The following CCDC85A variants were observed in gnomAD, a reference collection of about 807,000 sequenced individuals.
CCDC85A encodes the protein coiled-coil domain-containing protein 85A.
CCDC85A carries 38 observed loss-of-function variants against 50.2 expected under a neutral mutation model. The ratio of observed to expected loss-of-function variants is 0.76; its 90% CI spans 0.58 to 0.99. CCDC85A has a LOEUF of 0.99. Ranked by LOEUF, CCDC85A falls within the 50% of genes least tolerant of loss-of-function variation. The pLI is 0.00. For missense variants in CCDC85A, 820 were observed against 742.0 expected (o/e 1.11, Z -1.22); for synonymous variants, 366 against 301.4 (o/e 1.21, Z -2.22).
chr2:56,280,263 G>A (rs909434020), intron 2 of CCDC85A, among the ~76,000 whole-genome samples: 4 of 152,072 alleles, frequency 2.6e-5, no homozygotes, highest in African/African-American at 4.8e-5. Flanking sequence ...TTACTTCAAG[G>A]TTTTGCAGCT....
At chr2:56,377,298 C>T (rs908196205) in intron 5 of CCDC85A, among the ~76,000 whole-genome samples, 3 of 152,102 alleles carry the variant, frequency 2.0e-5, no homozygotes, top group African/African-American at 7.2e-5. Flanking sequence ...TCTGTGGCAG[C>T]ACTTGGATGA....
intron 3 of CCDC85A, among the ~76,000 whole-genome samples, chr2:56,360,464 C>A (rs1026501893): frequency 2.0e-5 from 3 of 152,178 alleles, no homozygotes; most frequent in African/African-American, 7.2e-5. Flanking sequence ...CATCTCTAAC[C>A]AGCCTCGGGG....
At chr2:56,273,351 G>A (rs908938813) in intron 2 of CCDC85A, among the ~76,000 whole-genome samples, 8 of 152,022 alleles carry the variant, frequency 5.3e-5, no homozygotes, top group African/African-American at 1.4e-4. Flanking sequence ...CAGTATATGG[G>A]AGGGGAAAGC....
At chr2:56,218,576 A>G (rs1230451049) in intron 2 of CCDC85A, among the ~76,000 whole-genome samples, 1 of 151,912 alleles carries the variant, frequency 6.6e-6, no homozygotes, top group African/African-American at 2.4e-5. Context: ...ACTTTATAAT[A>G]TCACCACCAT....
At chr2:56,257,072 A>C (rs1263099111) in intron 2 of CCDC85A, among the ~76,000 whole-genome samples, 1 of 152,190 alleles carries the variant, frequency 6.6e-6, no homozygotes, top group East Asian at 1.9e-4. Flanking sequence ...TCCATGGCTC[A>C]GTGTATGATA....
intron 2 of CCDC85A, among the ~76,000 whole-genome samples, chr2:56,212,609 T>C (rs1422754670): frequency 6.6e-6 from 1 of 152,048 alleles, no homozygotes; most frequent in East Asian, 1.9e-4. Context: ...TATTTGTGTG[T>C]ATTTCAAAAG....
chr2:56,219,449 T>G (rs1668225939), intron 2 of CCDC85A, among the ~76,000 whole-genome samples: 1 of 151,716 alleles, frequency 6.6e-6, no homozygotes, highest in South Asian at 2.1e-4. Flanking sequence ...ATTGCAACCA[T>G]TTTAAGTGTC....
At chr2:56,274,100 C>G (rs10490401) in intron 2 of CCDC85A, among the ~76,000 whole-genome samples, 32,380 of 151,946 alleles carry the variant, frequency 0.21, 3,515 homozygotes, top group East Asian at 0.35. Context: ...TACTAGTGAA[C>G]TCTGTAAAAC....
intron 2 of CCDC85A, among the ~76,000 whole-genome samples, chr2:56,286,965 C>CA (rs1671474073): frequency 6.6e-6 from 1 of 152,156 alleles, no homozygotes; most frequent in Non-Finnish European, 1.5e-5. Context: ...TACCTACAGA[C>CA]ACGACCTTTA....
chr2:56,237,046 T>C (rs1669051211), intron 2 of CCDC85A, among the ~76,000 whole-genome samples: 1 of 152,246 alleles, frequency 6.6e-6, no homozygotes, highest in African/African-American at 2.4e-5. Context: ...CTGTGAAAAA[T>C]GCTGATTTGA....
chr2:56,369,701 G>GT (rs1370388880), intron 3 of CCDC85A, among the ~76,000 whole-genome samples: 1 of 152,094 alleles, frequency 6.6e-6, no homozygotes, highest in Non-Finnish European at 1.5e-5. Context: ...GAACCTTTAT[G>GT]TGTGTCTGAA....
Position 56,192,831 on chromosome 2 carries a change from AGCAGCACCTCCAGCACTG to A in CCDC85A, c.639_656del (p.Ser214_Thr219del), listed in dbSNP as rs1344167095. ...CTACGTGCGGGATGTGGGTGACGGCAGCAGCACCTCCAGCACTGGCAGCACTGACAGCCCGGACCACCA... is the reference window on the plus strand; with the variant it reads ...CTACGTGCGGGATGTGGGTGACGGCAGCAGCACTGACAGCCCGGACCACCA... On this transcript the variant is annotated inframe_deletion, in exon 2 of 6. Transcript: ENST00000407595. This position sits in a 1 kb window ranked among gnomAD's most constrained non-coding sequence, Gnocchi z 4.7. 1.9e-6 allele frequency: 3 copies of A among 1,613,288 alleles called. No individual in the cohort carries two copies. Among genetic ancestry groups the A allele is most frequent in the African/African-American group, 2.7e-5 (2 of 74,918 alleles).
intron 2 of CCDC85A, among the ~76,000 whole-genome samples, chr2:56,268,509 C>T (rs924124790): frequency 2.0e-5 from 3 of 150,518 alleles, no homozygotes; most frequent in African/African-American, 7.3e-5. Flanking sequence ...GCAGGAGAAT[C>T]GCTTGAACCT....
At chr2:56,266,218 A>G (rs1286286418) in intron 2 of CCDC85A, among the ~76,000 whole-genome samples, 1 of 152,184 alleles carries the variant, frequency 6.6e-6, no homozygotes, top group Non-Finnish European at 1.5e-5. Context: ...AATAGGTTAT[A>G]GTGCTCTATT....
At chr2:56,285,450 A>G (rs1171021574) in intron 2 of CCDC85A, among the ~76,000 whole-genome samples, 1 of 145,944 alleles carries the variant, frequency 6.9e-6, no homozygotes, top group Non-Finnish European at 1.5e-5. Flanking sequence ...TATTAATAAT[A>G]TAATTAATTA....
At chr2:56,287,089 A>G (rs1477775390) in intron 2 of CCDC85A, among the ~76,000 whole-genome samples, 1 of 152,162 alleles carries the variant, frequency 6.6e-6, no homozygotes, top group Non-Finnish European at 1.5e-5. Context: ...GTCTCTCAGC[A>G]TAGTTATGAC....
chr2:56,325,298 A>G (rs1360309331), intron 2 of CCDC85A, among the ~76,000 whole-genome samples: 1 of 152,124 alleles, frequency 6.6e-6, no homozygotes, highest in Non-Finnish European at 1.5e-5. Flanking sequence ...ATTTGAAGAT[A>G]ATAGTTACTT....
intron 2 of CCDC85A, among the ~76,000 whole-genome samples, chr2:56,337,509 G>A (rs17047815): frequency 0.13 from 19,036 of 152,102 alleles, 1,330 homozygotes; most frequent in East Asian, 0.3. Context: ...TTTCTTTTCC[G>A]TCATGTGATT....
chr2:56,271,556 G>A (rs1458717787), intron 2 of CCDC85A, among the ~76,000 whole-genome samples: 2 of 152,128 alleles, frequency 1.3e-5, no homozygotes, highest in African/African-American at 4.8e-5. Context: ...GAGATGCTGG[G>A]GTTGCCTCAT....
Sources: gnomAD v4.1 joint callset for allele counts (sites outside exome capture counted in the v4.1 genomes callset) on GRCh38, gnomAD v4.1.1 for gene constraint, Gnocchi (gnomAD v3.1) non-coding constraint, MANE v1.5 for transcripts, NCBI Gene and HGNC (gene_info 2026-07-23, HGNC 2026-07-21) for gene names.